The following CSMD1 variants were observed in gnomAD, a reference collection of about 807,000 sequenced individuals.
CSMD1 encodes the protein CUB and sushi domain-containing protein 1.
Under a neutral mutation model 417.5 loss-of-function variants are expected in CSMD1, and 213 were observed. The observed-to-expected ratio is 0.51, with a 90% CI of 0.46 to 0.57. The LOEUF (loss-of-function observed/expected upper bound fraction) is 0.57, where lower values mean the gene tolerates loss of function less well. Among genes scored for constraint, CSMD1 ranks in the 20% least tolerant of loss-of-function variants. The pLI, the probability that CSMD1 is intolerant of heterozygous loss-of-function variation, is 0.00. For synonymous variants in CSMD1, 2,862 were observed against 1,736.8 expected (o/e 1.65, Z -16.11); for missense variants, 6,923 against 4,529.7 (o/e 1.53, Z -15.17).
intron 5 of CSMD1, among the ~76,000 whole-genome samples, chr8:3,869,147 A>G (rs555141206): frequency 6.6e-6 from 1 of 152,172 alleles, no homozygotes; most frequent in East Asian, 1.9e-4. Flanking sequence ...ACCTGTCTCC[A>G]CACCGTGCCC....
chr8:3,467,377 G>A (rs532451918), intron 12 of CSMD1, among the ~76,000 whole-genome samples: 5 of 152,142 alleles, frequency 3.3e-5, no homozygotes, highest in Non-Finnish European at 7.3e-5. Context: ...GCAAATGCAG[G>A]TCATGTGGAA....
chr8:3,627,565 G>A (rs1217888086), intron 7 of CSMD1, among the ~76,000 whole-genome samples: 1 of 152,108 alleles, frequency 6.6e-6, no homozygotes, highest in Non-Finnish European at 1.5e-5. Context: ...ACAGGTATCT[G>A]TAAATGTGGA....
rs767230671 is a variant in CSMD1 at position 3,468,848 on chromosome 8, G to A, written c.1449-24C>T. On this transcript the variant is annotated intron_variant, in intron 11 of 69. Transcript: ENST00000635120. ...GCCTGCAAGAAAGAGAAATGTCAAA[G>A]CTTTTAGGTAAGGCAACAAGTACAT... 4.0e-6 allele frequency: 6 copies of A among 1,507,110 alleles called. No individual in the cohort carries two copies. The East Asian group carries it at 9.5e-5, about 24-fold the overall frequency. 93.4% of individuals were successfully genotyped at this position (1,507,110 alleles called of 1,614,324 possible).
At chr8:3,505,800 G>T (rs1030830274) in intron 10 of CSMD1, among the ~76,000 whole-genome samples, 3 of 152,224 alleles carry the variant, frequency 2.0e-5, no homozygotes, top group African/African-American at 7.2e-5. Flanking sequence ...AATATTTACA[G>T]ATTTTTAAAT....
At position 3,428,644 on chromosome 8, in the gene CSMD1, G is replaced by A. The variant is rs190588387; in HGVS notation, c.1562-19039C>T. 2.6e-5 allele frequency among the ~76,000 whole-genome samples: 4 copies of A among 152,232 alleles called. No homozygotes were observed. The East Asian group carries it at 7.7e-4, about 29-fold the overall frequency. On this transcript the variant is annotated intron_variant, in intron 12 of 69. Coordinates refer to ENST00000635120, the MANE Select transcript of CSMD1 (RefSeq NM_033225.6). ...GTACAGCCACCATGGAAAACAGTATGCAGCTTTCTTATAAAAGTAAAAAAG... is the reference window on the plus strand; with the variant it reads ...GTACAGCCACCATGGAAAACAGTATACAGCTTTCTTATAAAAGTAAAAAAG...
intron 2 of CSMD1, among the ~76,000 whole-genome samples, chr8:4,583,021 C>CG (rs1799503524): frequency 6.6e-6 from 1 of 152,198 alleles, no homozygotes; most frequent in Admixed American, 6.5e-5. Context: ...GCCAGCCCAC[C>CG]GGCGCTGTGC....
chr8:3,899,281 A>G (rs773412305), intron 5 of CSMD1, among the ~76,000 whole-genome samples: 3 of 152,194 alleles, frequency 2.0e-5, no homozygotes, highest in Non-Finnish European at 4.4e-5. Flanking sequence ...CCGCCCTGCT[A>G]AGAAATGGCA....
intron 6 of CSMD1, among the ~76,000 whole-genome samples, chr8:3,740,685 G>T (rs931255678): frequency 6.6e-6 from 1 of 152,150 alleles, no homozygotes; most frequent in Admixed American, 6.5e-5. Context: ...TGGGGAAGAG[G>T]AGTCGAAGCA....
chr8:4,120,823 C>A (rs1189608798), intron 3 of CSMD1, among the ~76,000 whole-genome samples: 5 of 152,262 alleles, frequency 3.3e-5, no homozygotes, highest in South Asian at 2.1e-4. Flanking sequence ...CCAGAAATCA[C>A]AAAACAAAGG....
intron 3 of CSMD1, among the ~76,000 whole-genome samples, chr8:4,109,762 GAC>G (rs1585332073): frequency 1.3e-5 from 2 of 152,088 alleles, no homozygotes; most frequent in East Asian, 3.9e-4. Flanking sequence ...TGTAACATAA[GAC>G]AGTTTGATTT....
At chr8:3,913,833 G>A (rs1485689808) in intron 5 of CSMD1, among the ~76,000 whole-genome samples, 1 of 152,084 alleles carries the variant, frequency 6.6e-6, no homozygotes, top group Non-Finnish European at 1.5e-5. Flanking sequence ...AACTCAGACG[G>A]TCTAATCACC....
At chr8:3,379,043 G>C (rs1454397316) in intron 18 of CSMD1, among the ~76,000 whole-genome samples, 1 of 152,222 alleles carries the variant, frequency 6.6e-6, no homozygotes. Flanking sequence ...AACAACTTCA[G>C]CAATGTCTCA....
intron 1 of CSMD1, among the ~76,000 whole-genome samples, chr8:4,940,866 T>C (rs11783598): frequency 0.5 from 76,247 of 151,914 alleles, 20,319 homozygotes; most frequent in East Asian, 0.79. Flanking sequence ...GGTTAAAAAT[T>C]GTTTTTTCTT....
chr8:4,927,465 T>A (rs1806946921), intron 1 of CSMD1, among the ~76,000 whole-genome samples: 1 of 152,174 alleles, frequency 6.6e-6, no homozygotes, highest in Non-Finnish European at 1.5e-5. Flanking sequence ...GAACTGAGGC[T>A]TGGGGCTCAA....
At chr8:4,897,729 T>A (rs777446560) in intron 1 of CSMD1, among the ~76,000 whole-genome samples, 12 of 152,142 alleles carry the variant, frequency 7.9e-5, no homozygotes, top group Admixed American at 3.3e-4. Flanking sequence ...TATTGAAGAA[T>A]AAATTCTACT....
chr8:3,036,784 C>T (rs1293233771), intron 50 of CSMD1, among the ~76,000 whole-genome samples: 2 of 152,128 alleles, frequency 1.3e-5, no homozygotes, highest in African/African-American at 2.4e-5. Context: ...TCCACCAAGA[C>T]AAAATCAAGA....
chr8:4,299,075 A>G (rs1585184787), intron 3 of CSMD1, among the ~76,000 whole-genome samples: 3 of 152,268 alleles, frequency 2.0e-5, no homozygotes, highest in Admixed American at 2.0e-4. Context: ...CCTATTTCTT[A>G]CTTATGATAA....
At chr8:3,891,995 C>T (rs746750333) in intron 5 of CSMD1, among the ~76,000 whole-genome samples, 1 of 151,114 alleles carries the variant, frequency 6.6e-6, no homozygotes, top group Non-Finnish European at 1.5e-5. Flanking sequence ...TATTAGCACA[C>T]GATACTATCA....
intron 1 of CSMD1, among the ~76,000 whole-genome samples, chr8:4,952,057 C>T (rs571447533): frequency 2.6e-5 from 4 of 151,382 alleles, no homozygotes; most frequent in South Asian, 4.2e-4. Flanking sequence ...ATATTTTACA[C>T]GTAATTGTAA....
Sources: allele counts gnomAD v4.1 joint callset (sites outside exome capture counted in the v4.1 genomes callset), GRCh38; gene constraint gnomAD v4.1.1; transcripts MANE v1.5; gene names NCBI Gene and HGNC (gene_info 2026-07-23, HGNC 2026-07-21).